The following PPFIA2 variants were observed in gnomAD, a reference collection of about 807,000 sequenced individuals.
PPFIA2 encodes PPFI scaffold protein A2.
A neutral mutation model predicts 175.5 loss-of-function variants in PPFIA2; 46 were observed. The ratio of observed to expected loss-of-function variants is 0.26; its 90% CI spans 0.21 to 0.34. The LOEUF is 0.34. PPFIA2 is among the 10% of genes least tolerant of loss of function. PPFIA2 has a pLI of 1.00. For missense variants in PPFIA2, 1,179 were observed against 1,506.1 expected (o/e 0.78, Z 3.60); for synonymous variants, 568 against 511.4 (o/e 1.11, Z -1.49).
At chr12:81,668,081 A>T (rs1283221766) in intron 4 of PPFIA2, among the ~76,000 whole-genome samples, 2 of 152,084 alleles carry the variant, frequency 1.3e-5, no homozygotes, top group African/African-American at 4.8e-5. Context: ...CATGCTACAC[A>T]GATCATTGAC....
intron 27 of PPFIA2, among the ~76,000 whole-genome samples, chr12:81,278,751 A>G (rs2041273823): frequency 6.6e-6 from 1 of 152,204 alleles, no homozygotes; most frequent in Non-Finnish European, 1.5e-5. Flanking sequence ...TTATGTATAA[A>G]GATGCAGAAG....
intron 4 of PPFIA2, among the ~76,000 whole-genome samples, chr12:81,584,990 ATATATAATATATTAATTATATTT>A: frequency 4.0e-5 from 1 of 25,082 alleles, no homozygotes; most frequent in Non-Finnish European, 9.0e-5. Context: ...AATTATATTT[ATATATAATATATTAATTATATTT>A]ATATATAATA....
chr12:81,472,190 G>A (rs974226429), intron 4 of PPFIA2, among the ~76,000 whole-genome samples: 1 of 152,108 alleles, frequency 6.6e-6, no homozygotes, highest in African/African-American at 2.4e-5. Context: ...GGTTACCTAG[G>A]GCTAGGGGAG....
intron 3 of PPFIA2, 150 bp from the exon 4 acceptor site, chr12:81,676,994 T>C (rs1224780760): frequency 2.4e-6 from 1 of 422,758 alleles, no homozygotes; most frequent in Non-Finnish European, 4.3e-6. Flanking sequence ...TGTAGTACTA[T>C]ACAAATAGTC....
chr12:81,631,041 C>T (rs956497013), intron 4 of PPFIA2, among the ~76,000 whole-genome samples: 41 of 151,822 alleles, frequency 2.7e-4, no homozygotes, highest in African/African-American at 9.9e-4. Flanking sequence ...ACTACAGGCG[C>T]TCGCTACCAT....
intron 22 of PPFIA2, among the ~76,000 whole-genome samples, chr12:81,323,988 G>A (rs954315502): frequency 3.3e-5 from 5 of 151,882 alleles, no homozygotes; most frequent in Non-Finnish European, 5.9e-5. Context: ...GGAAATAATC[G>A]TACTAAGAAA....
intron 16 of PPFIA2, among the ~76,000 whole-genome samples, chr12:81,357,823 T>C (rs2061072179): frequency 6.6e-6 from 1 of 152,162 alleles, no homozygotes; most frequent in Non-Finnish European, 1.5e-5. Flanking sequence ...AGCCTCAGTG[T>C]TTTTATGTCT....
intron 5 of PPFIA2, among the ~76,000 whole-genome samples, chr12:81,449,094 T>C (rs1174650031): frequency 6.6e-6 from 1 of 152,206 alleles, no homozygotes; most frequent in Admixed American, 6.5e-5. Flanking sequence ...ATTCACCTTG[T>C]AGATATCAGC....
chr12:81,487,655 A>T (rs1194024516), intron 4 of PPFIA2, among the ~76,000 whole-genome samples: 2 of 151,794 alleles, frequency 1.3e-5, no homozygotes. Context: ...CATGGCTGAT[A>T]TCTCACACCC....
At chr12:81,533,964 A>G (rs951390436) in intron 4 of PPFIA2, among the ~76,000 whole-genome samples, 2 of 151,662 alleles carry the variant, frequency 1.3e-5, no homozygotes, top group Non-Finnish European at 3.0e-5. Flanking sequence ...TGACATATAT[A>G]CACAATAGAA....
chr12:81,615,192 C>T (rs993392135), intron 4 of PPFIA2, among the ~76,000 whole-genome samples: 3 of 152,118 alleles, frequency 2.0e-5, no homozygotes, highest in Admixed American at 6.6e-5. Context: ...GGGCTTTGGT[C>T]TGAGCAGCTG....
chr12:81,409,675 G>C (rs2043560847), intron 7 of PPFIA2, among the ~76,000 whole-genome samples: 1 of 152,066 alleles, frequency 6.6e-6, no homozygotes, highest in Admixed American at 6.6e-5. Flanking sequence ...GTGATATTCT[G>C]TTATAGCAAC....
intron 4 of PPFIA2, among the ~76,000 whole-genome samples, chr12:81,547,564 G>A (rs552845310): frequency 1.3e-5 from 2 of 151,956 alleles, no homozygotes; most frequent in Admixed American, 6.6e-5. Context: ...TCGTGGAGAC[G>A]GGGTTTCTCC....
chr12:81,364,447 G>T (rs2032361569), intron 14 of PPFIA2, among the ~76,000 whole-genome samples: 1 of 151,762 alleles, frequency 6.6e-6, no homozygotes, highest in Admixed American at 6.6e-5. Context: ...GCAGTTCTGT[G>T]ATCACAGTTC....
In PPFIA2 at chr12:81,614,891, C is replaced by T. The variant is rs576510851; in HGVS notation, c.303+61900G>A. Among the ~76,000 whole-genome samples the T allele has an allele frequency of 8.5e-5, 13 of 152,160 alleles. 1 individual carries two copies. The highest frequency in any genetic ancestry group is 5.8e-4 in the East Asian group (3 of 5,184). On this transcript the variant is annotated intron_variant, in intron 4 of 32. Transcript: ENST00000549396. ...TGCATAAGGAGTCTTAGATAAATTA[C>T]GCAACTTGTCTAATATCACGTAACT...
rs575995817 is a variant in PPFIA2 at position 81,318,462 on chromosome 12, G to C, written c.2642+7315C>G. 1.9e-4 allele frequency among the ~76,000 whole-genome samples: 29 copies of C among 151,814 alleles called. No homozygotes were observed. In the South Asian group the frequency reaches 6.0e-3, roughly 31 times the overall value. ...TATATAGAGGAAATCAGTAAGTATA[G>C]TCCTAAAGCTGGCTGCAGTATTATA... On this transcript the variant is annotated intron_variant, in intron 22 of 32. Coordinates refer to ENST00000549396, the MANE Select transcript of PPFIA2 (RefSeq NM_003625.5).
chr12:81,478,234 T>C (rs2057735600), intron 4 of PPFIA2, among the ~76,000 whole-genome samples: 1 of 152,202 alleles, frequency 6.6e-6, no homozygotes, highest in Non-Finnish European at 1.5e-5. Context: ...TAGTTTGTAT[T>C]TCTGTGGGAT....
At chr12:81,663,827 G>A (rs1016247201) in intron 4 of PPFIA2, among the ~76,000 whole-genome samples, 1 of 152,142 alleles carries the variant, frequency 6.6e-6, no homozygotes, top group East Asian at 1.9e-4. Context: ...CATGGTACTG[G>A]TACCAAAACA....
chr12:81,267,116 A>G, intron 29 of PPFIA2, 96 bp from the exon 30 acceptor site: 1 of 937,206 alleles, frequency 1.1e-6, no homozygotes, highest in East Asian at 2.7e-5. Context: ...TATAAACCAT[A>G]CTTTATTTAT....
Sources: gnomAD v4.1 joint callset for allele counts (sites outside exome capture counted in the v4.1 genomes callset) on GRCh38, gnomAD v4.1.1 for gene constraint, MANE v1.5 for transcripts, NCBI Gene and HGNC (gene_info 2026-07-23, HGNC 2026-07-21) for gene names.